HIVEP2: variants seen among roughly 807,000 people sequenced by gnomAD.
HIVEP2 encodes the protein transcription factor HIVEP2.
A neutral mutation model predicts 180.7 loss-of-function variants in HIVEP2; 14 were observed. The ratio of observed to expected loss-of-function variants is 0.08; its 90% confidence interval spans 0.05 to 0.12. The LOEUF (loss-of-function observed/expected upper bound fraction) is 0.12. Ranked by LOEUF, HIVEP2 falls within the 10% of genes least tolerant of loss-of-function variation. The probability of loss-of-function intolerance (pLI) is 1.00; values close to 1 mark genes in which losing one functional copy is unlikely to be tolerated. For synonymous variants in HIVEP2, 1,184 were observed against 1,136.4 expected, an observed-to-expected ratio of 1.04 and a Z score of -0.84; for missense variants, 2,579 against 3,008.5, an observed-to-expected ratio of 0.86 and a Z score of 3.34.
chr6:142,921,588 G>GT (rs1052381834), intron 1 of HIVEP2, among the ~76,000 whole-genome samples: 3 of 152,086 alleles, frequency 2.0e-5, no homozygotes, highest in African/African-American at 4.8e-5. Flanking sequence ...CTGATGTTCA[G>GT]TTTTTTTTAA....
At chr6:142,827,792 A>T (rs1774953709) in intron 2 of HIVEP2, among the ~76,000 whole-genome samples, 1 of 152,088 alleles carries the variant, frequency 6.6e-6, no homozygotes, top group African/African-American at 2.4e-5. Context: ...CAGTATTTTA[A>T]AGTGTGCAAA....
chr6:142,897,509 T>A (rs888923699), intron 1 of HIVEP2, among the ~76,000 whole-genome samples: 3 of 152,200 alleles, frequency 2.0e-5, no homozygotes, highest in African/African-American at 7.2e-5. Flanking sequence ...TAGGATGGAA[T>A]TCAATACAGT....
At chr6:142,895,165 T>C (rs1258334910) in intron 1 of HIVEP2, among the ~76,000 whole-genome samples, 1 of 152,208 alleles carries the variant, frequency 6.6e-6, no homozygotes, top group Admixed American at 6.5e-5. Context: ...TTACCTCTTC[T>C]TGAACAGTAT....
chr6:142,863,197 TC>T, intron 1 of HIVEP2, among the ~76,000 whole-genome samples: 1 of 150,206 alleles, frequency 6.7e-6, no homozygotes, highest in South Asian at 2.1e-4. Context: ...TTTAATAAAT[TC>T]CCTGTTCACA....
Position 142,801,906 on chromosome 6 carries a change from C to A in HIVEP2, c.-527-18291G>T, listed in dbSNP as rs141701827. ...CTTTAAATGTAAGTATATCCTTCTC[C>A]TTAAAGTTCTCCACAAGTCCTTTTC... On this transcript the variant is annotated intron_variant, in intron 2 of 9. Transcript: ENST00000367603. Among the ~76,000 whole-genome samples the A allele has an allele frequency of 1.3e-3, 193 of 152,244 alleles. 1 individual carries two copies. The highest frequency in any genetic ancestry group is 4.2e-3 in the African/African-American group (173 of 41,548).
At chr6:142,891,876 T>G (rs1776869250) in intron 1 of HIVEP2, among the ~76,000 whole-genome samples, 1 of 152,246 alleles carries the variant, frequency 6.6e-6, no homozygotes, top group Non-Finnish European at 1.5e-5. Context: ...ATCGAAAAAC[T>G]GGACTTCATT....
chr6:142,929,149 C>T (rs563767432), intron 1 of HIVEP2, among the ~76,000 whole-genome samples: 38 of 152,156 alleles, frequency 2.5e-4, no homozygotes, highest in African/African-American at 9.2e-4. Context: ...ATACTTGTTC[C>T]TTCAAATCAT....
intron 2 of HIVEP2, among the ~76,000 whole-genome samples, chr6:142,831,424 G>T (rs183462125): frequency 6.6e-6 from 1 of 151,722 alleles, no homozygotes; most frequent in Admixed American, 6.6e-5. Context: ...CACCTCACCC[G>T]CCATCCAACA....
chr6:142,764,678 GAATCA>G, intron 7 of HIVEP2, 116 bp downstream of exon 7: 1 of 768,716 alleles, frequency 1.3e-6, no homozygotes, highest in Non-Finnish European at 2.1e-6. Context: ...ATATTTCGTG[GAATCA>G]TATTTTCACA....
At chr6:142,783,187 G>A (rs895364330) in intron 3 of HIVEP2, among the ~76,000 whole-genome samples, 5 of 151,840 alleles carry the variant, frequency 3.3e-5, no homozygotes, top group South Asian at 2.1e-4. Flanking sequence ...AATTAGCCGG[G>A]CATGGTGGCA....
chr6:142,770,146 C>A lies in HIVEP2; in HGVS notation c.4593G>T (p.Pro1531=). The A allele has an allele frequency of 6.2e-7, 1 of 1,614,234 alleles. No homozygotes were observed. The change falls in exon 5 of 10, where the codon CCG becomes CCT. Residue 1531 remains proline, a synonymous_variant. Transcript: ENST00000367603. The surrounding 1 kb of genome is among the most constrained non-coding windows in gnomAD (Gnocchi z 4.7). ...SSSQDYPSVS[P]SSREPFLPSK... is the part of the protein sequence containing the mutation. ...TGGGCAGGAATGGCTCCCTGGAAGA[C>A]GGGCTAACAGAAGGATAGTCTTGAG...
intron 1 of HIVEP2, among the ~76,000 whole-genome samples, chr6:142,922,236 G>A (rs1712989496): frequency 6.6e-6 from 1 of 152,198 alleles, no homozygotes; most frequent in African/African-American, 2.4e-5. Flanking sequence ...TCCAAAGGCA[G>A]CTGAGGGAAT....
At chr6:142,830,314 C>CA (rs906127202) in intron 2 of HIVEP2, among the ~76,000 whole-genome samples, 1 of 151,916 alleles carries the variant, frequency 6.6e-6, no homozygotes, top group African/African-American at 2.4e-5. Flanking sequence ...TCCAGCCTGC[C>CA]AAAAAATGTT....
At chr6:142,862,665 T>C (rs1163692294) in intron 1 of HIVEP2, among the ~76,000 whole-genome samples, 3 of 143,380 alleles carry the variant, frequency 2.1e-5, no homozygotes, top group African/African-American at 5.0e-5. Flanking sequence ...ATATATTATA[T>C]ATTGTGTACT....
chr6:142,795,564 A>G (rs1776259825), intron 2 of HIVEP2, among the ~76,000 whole-genome samples: 1 of 152,212 alleles, frequency 6.6e-6, no homozygotes, highest in Non-Finnish European at 1.5e-5. Flanking sequence ...AACTAATTTT[A>G]TTGCAGCTTC....
intron 1 of HIVEP2, among the ~76,000 whole-genome samples, chr6:142,862,536 T>A (rs573956429): frequency 6.3e-4 from 92 of 146,380 alleles, no homozygotes; most frequent in African/African-American, 2.2e-3. Flanking sequence ...CGATTATGTG[T>A]ATCATATATT....
intron 3 of HIVEP2, among the ~76,000 whole-genome samples, chr6:142,778,948 TG>T (rs1775772718): frequency 6.6e-6 from 1 of 152,164 alleles, no homozygotes; most frequent in African/African-American, 2.4e-5. Flanking sequence ...GTACAAAAAA[TG>T]GCCCCAAAAT....
intron 1 of HIVEP2, among the ~76,000 whole-genome samples, chr6:142,865,548 G>A (rs1435946732): frequency 1.3e-5 from 2 of 151,920 alleles, no homozygotes; most frequent in African/African-American, 2.4e-5. Context: ...GCCTACGAAC[G>A]TACCACCTCT....
chr6:142,898,982 G>C (rs147934249), intron 1 of HIVEP2, among the ~76,000 whole-genome samples: 2 of 152,278 alleles, frequency 1.3e-5, no homozygotes, highest in East Asian at 3.9e-4. Flanking sequence ...GGCTTCCTCT[G>C]TATCATTCTT....
Sources: allele counts gnomAD v4.1 joint callset (sites outside exome capture counted in the v4.1 genomes callset), GRCh38; gene constraint gnomAD v4.1.1; non-coding constraint Gnocchi (gnomAD v3.1); transcripts MANE v1.5; gene names NCBI Gene and HGNC (gene_info 2026-07-23, HGNC 2026-07-21).